The following CSMD1 variants were observed in gnomAD, a reference collection of about 807,000 sequenced individuals.
CSMD1 encodes CUB and Sushi multiple domains 1, also known as CUB and sushi domain-containing protein 1.
Under a neutral mutation model 417.5 loss-of-function variants are expected in CSMD1, and 213 were observed. The ratio of observed to expected loss-of-function variants is 0.51; its 90% CI spans 0.46 to 0.57. The LOEUF (loss-of-function observed/expected upper bound fraction) is 0.57. Among genes scored for constraint, CSMD1 ranks in the 20% least tolerant of loss-of-function variants. The pLI is 0.00. For synonymous variants in CSMD1, 2,862 were observed against 1,736.8 expected (o/e 1.65, Z -16.11); for missense variants, 6,923 against 4,529.7 (o/e 1.53, Z -15.17).
intron 11 of CSMD1, among the ~76,000 whole-genome samples, chr8:3,472,498 C>G (rs1020090112): frequency 1.2e-4 from 19 of 152,040 alleles, no homozygotes; most frequent in Admixed American, 1.1e-3. Context: ...TGACAAAACT[C>G]CAACTTGAGA....
chr8:4,003,806 T>C (rs981457764), intron 4 of CSMD1, among the ~76,000 whole-genome samples: 7 of 151,728 alleles, frequency 4.6e-5, no homozygotes, highest in Admixed American at 2.6e-4. Context: ...ACTGAGTATA[T>C]TGTACGTGTC....
chr8:4,770,246 T>C (rs1440618446), intron 1 of CSMD1, among the ~76,000 whole-genome samples: 2 of 148,446 alleles, frequency 1.3e-5, no homozygotes, highest in Non-Finnish European at 3.0e-5. Context: ...TTCATATATG[T>C]ATTCCTAATT....
intron 36 of CSMD1, among the ~76,000 whole-genome samples, chr8:3,187,200 C>G (rs575253952): frequency 6.6e-6 from 1 of 152,168 alleles, no homozygotes; most frequent in African/African-American, 2.4e-5. Context: ...AGTCCTAATG[C>G]TATTACAGTG....
intron 39 of CSMD1, among the ~76,000 whole-genome samples, chr8:3,156,802 T>C (rs1016393254): frequency 3.3e-5 from 5 of 151,852 alleles, no homozygotes; most frequent in African/African-American, 4.8e-5. Context: ...ATGGGAGCTG[T>C]AGGTTAGGAT....
chr8:3,962,204 G>T (rs754345670), intron 5 of CSMD1, among the ~76,000 whole-genome samples: 2 of 152,118 alleles, frequency 1.3e-5, no homozygotes, highest in Admixed American at 6.5e-5. Flanking sequence ...ATTCCAGAAT[G>T]GGATTGTTTT....
intron 1 of CSMD1, among the ~76,000 whole-genome samples, chr8:4,990,538 T>A (rs1240840809): frequency 6.6e-6 from 1 of 151,708 alleles, no homozygotes; most frequent in South Asian, 2.1e-4. Flanking sequence ...TAATTTCGTA[T>A]TTTTTTTGTA....
At chr8:3,698,402 C>T (rs1800672627) in intron 7 of CSMD1, among the ~76,000 whole-genome samples, 1 of 152,180 alleles carries the variant, frequency 6.6e-6, no homozygotes, top group African/African-American at 2.4e-5. Context: ...GAGCAATTCT[C>T]CTTCTTGTTT....
At chr8:4,835,326 A>G (rs1007213085) in intron 1 of CSMD1, among the ~76,000 whole-genome samples, 1 of 152,220 alleles carries the variant, frequency 6.6e-6, no homozygotes, top group African/African-American at 2.4e-5. Context: ...CAGGTTGACC[A>G]TGAGGGTCAA....
intron 3 of CSMD1, among the ~76,000 whole-genome samples, chr8:4,308,945 C>G (rs1798406252): frequency 6.6e-6 from 1 of 152,258 alleles, no homozygotes; most frequent in Admixed American, 6.5e-5. Context: ...TTTAAAGACT[C>G]TCAAATACTC....
At chr8:2,948,075 G>C (rs1355849670) in intron 68 of CSMD1, among the ~76,000 whole-genome samples, 1 of 151,912 alleles carries the variant, frequency 6.6e-6, no homozygotes, top group Non-Finnish European at 1.5e-5. Flanking sequence ...TGGTATCAAA[G>C]CCTATATGGT....
chr8:2,965,326 A>T (rs113273354), intron 59 of CSMD1, among the ~76,000 whole-genome samples: 41 of 152,172 alleles, frequency 2.7e-4, no homozygotes, highest in African/African-American at 9.6e-4. Context: ...AACCCCATGA[A>T]ACATCACGGT....
At chr8:3,840,584 A>G (rs1198856222) in intron 5 of CSMD1, among the ~76,000 whole-genome samples, 1 of 152,012 alleles carries the variant, frequency 6.6e-6, no homozygotes, top group Non-Finnish European at 1.5e-5. Context: ...TCAAGTTAAA[A>G]CATGTGAGTG....
intron 7 of CSMD1, among the ~76,000 whole-genome samples, chr8:3,668,756 T>C (rs528590341): frequency 2.0e-5 from 3 of 152,164 alleles, no homozygotes; most frequent in East Asian, 1.9e-4. Flanking sequence ...GGAAGACCCA[T>C]ACTGAACATC....
At chr8:3,442,575 A>T (rs561794605) in intron 12 of CSMD1, among the ~76,000 whole-genome samples, 7 of 152,210 alleles carry the variant, frequency 4.6e-5, no homozygotes, top group Non-Finnish European at 1.0e-4. Context: ...TAGGAACAAT[A>T]GGCTGTACCA....
At chr8:4,363,242 A>G (rs1801877852) in intron 3 of CSMD1, among the ~76,000 whole-genome samples, 1 of 152,060 alleles carries the variant, frequency 6.6e-6, no homozygotes, top group Non-Finnish European at 1.5e-5. Flanking sequence ...GTGTTTCTCA[A>G]TTTTCTTTTT....
intron 26 of CSMD1, among the ~76,000 whole-genome samples, chr8:3,256,097 G>T (rs953847420): frequency 6.6e-6 from 1 of 152,074 alleles, no homozygotes; most frequent in Non-Finnish European, 1.5e-5. Flanking sequence ...GGGGGCTGAG[G>T]CAGACCAATC....
At chr8:4,281,638 G>C (rs1401704777) in intron 3 of CSMD1, among the ~76,000 whole-genome samples, 3 of 151,986 alleles carry the variant, frequency 2.0e-5, no homozygotes, top group Non-Finnish European at 4.4e-5. Context: ...TTTATGTTGG[G>C]CTTTCTTACT....
chr8:3,740,772 A>C (rs908430946), intron 6 of CSMD1, among the ~76,000 whole-genome samples: 1 of 152,206 alleles, frequency 6.6e-6, no homozygotes, highest in African/African-American at 2.4e-5. Context: ...GAAAAAGTGA[A>C]ATGAAGAATC....
intron 3 of CSMD1, among the ~76,000 whole-genome samples, chr8:4,046,666 G>T (rs3849817): frequency 0.36 from 54,335 of 151,614 alleles, 11,084 homozygotes; most frequent in East Asian, 0.67. Context: ...ATATACACTG[G>T]GAATGTTTAT....
Sources: gnomAD v4.1 joint callset for allele counts (sites outside exome capture counted in the v4.1 genomes callset) on GRCh38, gnomAD v4.1.1 for gene constraint, MANE v1.5 for transcripts, NCBI Gene and HGNC (gene_info 2026-07-23, HGNC 2026-07-21) for gene names.